Variants in ALDH8A1 observed in about 807,000 individuals in gnomAD.
ALDH8A1 encodes 2-aminomuconic semialdehyde dehydrogenase.
In ALDH8A1, 39 loss-of-function variants were observed where a neutral mutation model predicts 43.3. The ratio of observed to expected loss-of-function variants is 0.90; its 90% CI spans 0.70 to 1.18. The LOEUF (loss-of-function observed/expected upper bound fraction) is 1.18. ALDH8A1 is among the 50% of genes most tolerant of loss of function. The pLI is 0.00. For missense variants in ALDH8A1, 605 were observed against 622.6 expected, an observed-to-expected ratio of 0.97 and a Z score of 0.30; for synonymous variants, 233 against 243.5, an observed-to-expected ratio of 0.96 and a Z score of 0.40.
At chr6:134,923,897 G>A (rs1365468645) in intron 6 of ALDH8A1, among the ~76,000 whole-genome samples, 2 of 152,160 alleles carry the variant, frequency 1.3e-5, no homozygotes, top group East Asian at 3.9e-4. Flanking sequence ...TATTAGGAAG[G>A]TGCAAGGGAA....
At chr6:134,931,297 C>G (rs569842601) in intron 5 of ALDH8A1, among the ~76,000 whole-genome samples, 2 of 152,238 alleles carry the variant, frequency 1.3e-5, no homozygotes, top group East Asian at 3.9e-4. Context: ...GATTCTTGCT[C>G]TTATCTCCCA....
chr6:134,947,492 A>G (rs986105042), intron 1 of ALDH8A1, among the ~76,000 whole-genome samples: 2 of 152,188 alleles, frequency 1.3e-5, no homozygotes, highest in East Asian at 3.8e-4. Flanking sequence ...CAAGGGATTA[A>G]TAACCAGAAT....
chr6:134,947,349 C>T (rs1291166050), intron 1 of ALDH8A1, among the ~76,000 whole-genome samples: 1 of 152,120 alleles, frequency 6.6e-6, no homozygotes, highest in African/African-American at 2.4e-5. Context: ...CTCAAAAGCA[C>T]AGGCAACAAA....
intron 6 of ALDH8A1, among the ~76,000 whole-genome samples, chr6:134,924,620 G>C (rs930105525): frequency 6.6e-6 from 1 of 152,016 alleles, no homozygotes; most frequent in African/African-American, 2.4e-5. Flanking sequence ...CCCAAATAAA[G>C]TCACTTTTAT....
chr6:134,949,068 T>TA (rs901893190), intron 1 of ALDH8A1, among the ~76,000 whole-genome samples: 5 of 151,534 alleles, frequency 3.3e-5, no homozygotes, highest in African/African-American at 7.3e-5. Context: ...GCAATGTTCT[T>TA]AAAAAAAAAC....
At chr6:134,939,909 C>T (rs1314056090) in intron 3 of ALDH8A1, among the ~76,000 whole-genome samples, 1 of 152,180 alleles carries the variant, frequency 6.6e-6, no homozygotes, top group East Asian at 1.9e-4. Flanking sequence ...GGAACGAGAT[C>T]ATGTCCTTTG....
At chr6:134,936,989 A>G (rs985397404) in intron 4 of ALDH8A1, among the ~76,000 whole-genome samples, 1 of 152,066 alleles carries the variant, frequency 6.6e-6, no homozygotes, top group African/African-American at 2.4e-5. Context: ...CAGGGTGGCA[A>G]CAAGAAAAAT....
chr6:134,921,363 A>G (rs773277933), intron 6 of ALDH8A1, among the ~76,000 whole-genome samples: 1 of 152,324 alleles, frequency 6.6e-6, no homozygotes, highest in South Asian at 2.1e-4. Flanking sequence ...AGGCAGCTAC[A>G]CAGCCAGATC....
At chr6:134,931,789 T>C (rs1384833874) in intron 5 of ALDH8A1, among the ~76,000 whole-genome samples, 1 of 152,250 alleles carries the variant, frequency 6.6e-6, no homozygotes, top group Non-Finnish European at 1.5e-5. Flanking sequence ...AGAGAAATAA[T>C]TACACTTATG....
At chr6:134,934,960 C>A (rs2114695506) in intron 4 of ALDH8A1, among the ~76,000 whole-genome samples, 1 of 152,210 alleles carries the variant, frequency 6.6e-6, no homozygotes, top group South Asian at 2.1e-4. Context: ...TGTGCATGCA[C>A]CTGTTTCCCC....
chr6:134,931,694 T>A (rs935003114), intron 5 of ALDH8A1, among the ~76,000 whole-genome samples: 2 of 152,260 alleles, frequency 1.3e-5, no homozygotes, highest in Non-Finnish European at 2.9e-5. Context: ...TGAAACTTGC[T>A]TAATGATTAA....
intron 6 of ALDH8A1, among the ~76,000 whole-genome samples, chr6:134,927,528 C>T (rs1484877746): frequency 6.6e-6 from 1 of 152,172 alleles, no homozygotes; most frequent in Non-Finnish European, 1.5e-5. Flanking sequence ...CACACACACA[C>T]ACACAGAGAG....
At position 134,929,193 on chromosome 6, in the gene ALDH8A1, C is replaced by T. The variant is rs368713329; in HGVS notation, c.872G>A (p.Ser291Asn). The change falls in exon 6 of 7, where the codon AGC becomes AAC. Residue 291 changes from serine to asparagine, a missense_variant. Ser to Asn is a conservative substitution (Grantham distance 46, BLOSUM62 1). Transcript: ENST00000265605. ...ANQGEICLCT[S>N]RIFVQKSIYS... is the part of the protein sequence containing the mutation. The stretch of plus-strand genomic sequence containing the variant: ...GATGCTCTTCTGGACAAAGATCCTG[C>T]TGGTACAGAGACAGATTTCACCCTG... 3 of 1,613,888 alleles carry T rather than the reference C, an allele frequency of 1.9e-6. No homozygotes were observed. In the African/African-American group the frequency reaches 4.0e-5, roughly 22 times the overall value.
chr6:134,939,363 T>C lies in ALDH8A1; in HGVS notation c.495A>G (p.Ile165Met), dbSNP rs1335463970. Residue 165 changes from isoleucine to methionine, a missense_variant, in exon 4 of 7, where the codon ATA becomes ATG. Ile to Met is a conservative substitution (Grantham distance 10). Coordinates refer to ENST00000265605, the MANE Select transcript of ALDH8A1 (RefSeq NM_022568.4). ...NLPLYLLTWK[I>M]APAMAAGNTV... ...TGTTCCCTGCAGCCATCGCTGGAGC[T>C]ATCTTCCAGGTCAGCAAGTAGAGTG... 1 of 1,614,212 alleles carries C rather than the reference T, an allele frequency of 6.2e-7. No homozygotes were observed. Among genetic ancestry groups the C allele is most frequent in the East Asian group, 2.2e-5 (1 of 44,886 alleles).
Position 134,943,845 on chromosome 6 carries a change from A to C in ALDH8A1, c.260T>G (p.Phe87Cys). 1 of 1,614,182 alleles carries C rather than the reference A, an allele frequency of 6.2e-7. No individual in the cohort carries two copies. The highest frequency in any genetic ancestry group is 8.5e-7 in the Non-Finnish European group (1 of 1,180,014). ...TTGGTCTTTAGACTCGGCCTGGGCA[A>C]ACTCCTCCAGGGACTGCTCCAGCAA... is the stretch of plus-strand genomic sequence containing the variant. ...ADLLEQSLEE[F>C]AQAESKDQGK... The change falls in exon 2 of 7, where the codon TTT becomes TGT. Residue 87 changes from phenylalanine to cysteine, a missense_variant. Transcript: ENST00000265605.
chr6:134,939,032 T>G (rs1413793715), intron 4 of ALDH8A1, among the ~76,000 whole-genome samples: 2 of 152,180 alleles, frequency 1.3e-5, no homozygotes, highest in Non-Finnish European at 2.9e-5. Flanking sequence ...ACTATTGTGC[T>G]GCCAGTCGCC....
At chr6:134,930,473 T>C (rs1015368701) in intron 5 of ALDH8A1, among the ~76,000 whole-genome samples, 1 of 152,236 alleles carries the variant, frequency 6.6e-6, no homozygotes, top group African/African-American at 2.4e-5. Context: ...GCATGAAAAG[T>C]ACAGAAATGC....
intron 6 of ALDH8A1, among the ~76,000 whole-genome samples, chr6:134,924,492 C>T (rs1012376438): frequency 6.6e-6 from 1 of 152,176 alleles, no homozygotes; most frequent in Non-Finnish European, 1.5e-5. Context: ...TTCAAAACAA[C>T]ATTCTGTCAC....
intron 1 of ALDH8A1, among the ~76,000 whole-genome samples, chr6:134,946,665 G>A (rs139666919): frequency 9.3e-4 from 142 of 152,036 alleles, no homozygotes; most frequent in Non-Finnish European, 1.8e-3. Context: ...CTAAGTCAAA[G>A]CCATAGATAC....
Sources: gnomAD v4.1 joint callset for allele counts (sites outside exome capture counted in the v4.1 genomes callset) on GRCh38, gnomAD v4.1.1 for gene constraint, MANE v1.5 for transcripts, NCBI Gene and HGNC (gene_info 2026-07-23, HGNC 2026-07-21) for gene names.